The following TTYH2 variants were observed in gnomAD, a reference collection of about 807,000 sequenced individuals.
TTYH2 encodes the protein protein tweety homolog 2.
In TTYH2, 49 loss-of-function variants were observed where a neutral mutation model predicts 68.3. The ratio of observed to expected loss-of-function variants is 0.72; its 90% CI spans 0.57 to 0.91. TTYH2 has a LOEUF of 0.91. Ranked by LOEUF, TTYH2 falls within the 40% of genes least tolerant of loss-of-function variation. The probability of loss-of-function intolerance (pLI) is 0.00; values close to 1 mark genes in which losing one functional copy is unlikely to be tolerated. For missense variants in TTYH2, 631 were observed against 700.4 expected, an observed-to-expected ratio of 0.90 and a Z score of 1.12; for synonymous variants, 272 against 300.8, an observed-to-expected ratio of 0.90 and a Z score of 0.99.
chr17:74,220,193 CA>C (rs892091254), intron 1 of TTYH2, among the ~76,000 whole-genome samples: 9 of 152,292 alleles, frequency 5.9e-5, no homozygotes, highest in African/African-American at 1.9e-4. Context: ...AGAGAGGCCT[CA>C]GGGGCTGCCA....
chr17:74,227,037 C>T (rs2050337806), intron 2 of TTYH2, among the ~76,000 whole-genome samples: 1 of 152,216 alleles, frequency 6.6e-6, no homozygotes, highest in South Asian at 2.1e-4. Context: ...TGCAGTGGCA[C>T]GATCTCAGCT....
Position 74,231,029 on chromosome 17 carries a change from A to G in TTYH2, c.414+30A>G, listed in dbSNP as rs551304763. The stretch of plus-strand genomic sequence containing the variant: ...GGCTCCCGGGCAGCTGGCCGGGTAC[A>G]GGCACAGCCCACAAGGTCAGCGTGG... On this transcript the variant is annotated intron_variant, in intron 3 of 13. Transcript: ENST00000269346. 117 of 1,600,752 alleles carry G rather than the reference A, an allele frequency of 7.3e-5. 2 individuals carry two copies. In the South Asian group the frequency reaches 1.2e-3, roughly 17 times the overall value.
In TTYH2 at chr17:74,230,918, C is replaced by T. The variant is rs2050382035; in HGVS notation, c.333C>T (p.Asn111=). The T allele has an allele frequency of 1.2e-6, 2 of 1,614,034 alleles. No homozygotes were observed. Among genetic ancestry groups the T allele is most frequent in the South Asian group, 1.1e-5 (1 of 91,072 alleles). Residue 111 remains asparagine, a synonymous_variant, in exon 3 of 14, where the codon AAC becomes AAT. Coordinates refer to ENST00000269346, the MANE Select transcript of TTYH2 (RefSeq NM_032646.6). The part of the protein sequence containing the change: ...CAAVGVGFYG[N]SETNDGAYQL... ...CGGTGGGCGTTGGTTTCTATGGAAA[C>T]AGCGAGACCAACGATGGGGCGTACC...
chr17:74,236,718 G>T (rs759723313), intron 3 of TTYH2, among the ~76,000 whole-genome samples: 1 of 152,048 alleles, frequency 6.6e-6, no homozygotes, highest in Non-Finnish European at 1.5e-5. Flanking sequence ...TCTCTCTCTC[G>T]GAGCCCAGAT....
intron 4 of TTYH2, chr17:74,240,884 G>C (rs1271344547): frequency 6.6e-6 from 1 of 152,190 alleles, no homozygotes; most frequent in Admixed American, 6.5e-5. Flanking sequence ...ATGAGGCGTG[G>C]AGGCAGGGAA....
chr17:74,250,149 G>A lies in TTYH2; in HGVS notation c.1024-116G>A, dbSNP rs1005932836. ...GCTGGCTCTCTGTTCTCCCGCCCCC[G>A]TGACTCGGCTCCCTCCCTTGGCTCT... On this transcript the variant is annotated intron_variant, in intron 9 of 13. Transcript: ENST00000269346. 33 of 1,459,062 alleles carry A rather than the reference G, an allele frequency of 2.3e-5. No individual in the cohort carries two copies. In the East Asian group the frequency reaches 3.8e-4, roughly 17 times the overall value. The allele number at this position is 1,459,062 out of a possible 1,614,324, so 90.4% of individuals were successfully genotyped here. A position where few individuals can be genotyped will look rare whatever the true frequency, so the allele number is the denominator to read the frequency against.
chr17:74,251,292 GGT>G (rs1295517553), intron 10 of TTYH2, among the ~76,000 whole-genome samples: 1 of 149,396 alleles, frequency 6.7e-6, no homozygotes, highest in Non-Finnish European at 1.5e-5. Flanking sequence ...TGATGTGTGT[GGT>G]GTGTGTGCAT....
chr17:74,261,429 A>G lies in TTYH2; in HGVS notation c.*1220A>G, dbSNP rs2050749633. The G allele has an allele frequency of 6.6e-6, 1 of 152,426 alleles. No homozygotes were observed. 9.4% of individuals were successfully genotyped at this position (152,426 alleles called of 1,614,324 possible). The stretch of plus-strand genomic sequence containing the variant: ...AGCAAAGTGCTACAACTGTGTCTTT[A>G]TAGGAGGATAGGCCTCTGCCCTGCC... On this transcript the variant is annotated 3_prime_UTR_variant, in exon 14 of 14. Transcript: ENST00000269346.
In TTYH2 at chr17:74,261,436, G is replaced by A. The variant is rs2050749781; in HGVS notation, c.*1227G>A. The A allele has an allele frequency of 6.6e-6, 1 of 152,454 alleles. No individual in the cohort carries two copies. Among genetic ancestry groups the A allele is most frequent in the Non-Finnish European group, 1.5e-5 (1 of 68,110 alleles). 9.4% of individuals were successfully genotyped at this position (152,454 alleles called of 1,614,324 possible). ...TGCTACAACTGTGTCTTTATAGGAG[G>A]ATAGGCCTCTGCCCTGCCCCACCCC... On this transcript the variant is annotated 3_prime_UTR_variant, in exon 14 of 14. Transcript: ENST00000269346.
intron 4 of TTYH2, among the ~76,000 whole-genome samples, chr17:74,238,117 G>A (rs961458045): frequency 2.0e-5 from 3 of 152,222 alleles, no homozygotes; most frequent in African/African-American, 7.2e-5. Context: ...GCACACGGTG[G>A]GGTGCTTCTC....
At position 74,260,219 on chromosome 17, in the gene TTYH2, G is replaced by C. The variant is rs181120556; in HGVS notation, c.*10G>C. Reference sequence around the variant, plus strand: ...TCAGTTTCCAGCCTAACAGACTTTCGGGGGTTCCTGCCTCCTTTTTCCGTT... The same window carrying C: ...TCAGTTTCCAGCCTAACAGACTTTCCGGGGTTCCTGCCTCCTTTTTCCGTT... On this transcript the variant is annotated 3_prime_UTR_variant, in exon 14 of 14. Coordinates refer to ENST00000269346, the MANE Select transcript of TTYH2 (RefSeq NM_032646.6). The C allele has an allele frequency of 6.8e-6, 11 of 1,613,502 alleles. No individual in the cohort carries two copies. The highest frequency in any genetic ancestry group is 1.7e-4 in the Middle Eastern group (1 of 6,056).
intron 13 of TTYH2, among the ~76,000 whole-genome samples, chr17:74,257,333 G>T (rs2050703065): frequency 6.6e-6 from 1 of 152,140 alleles, no homozygotes; most frequent in African/African-American, 2.4e-5. Context: ...AGCCCAGCCT[G>T]CCCTGGGAAG....
rs773175819 is a variant in TTYH2 at position 74,253,180 on chromosome 17, C to T, written c.1359C>T (p.Phe453=). ...CCCCGAGGGGACAGCTTCACAGCTT[C>T]TGCAGCTACAGCAGTGGCCTGGGAA... ...HSPPRGQLHS[F]CSYSSGLGSQ... is the part of the protein sequence containing the mutation. The change falls in exon 12 of 14, where the codon TTC becomes TTT. Residue 453 remains phenylalanine, a synonymous_variant. Transcript: ENST00000269346. 4.3e-6 allele frequency: 7 copies of T among 1,614,066 alleles called. No homozygotes were observed. Among genetic ancestry groups the T allele is most frequent in the Middle Eastern group, 1.7e-4 (1 of 6,058 alleles).
intron 13 of TTYH2, among the ~76,000 whole-genome samples, chr17:74,259,778 T>A (rs112561741): frequency 2.6e-5 from 4 of 152,152 alleles, no homozygotes; most frequent in Admixed American, 6.5e-5. Context: ...GATGCACAGC[T>A]GGGATTTGAA....
Position 74,215,861 on chromosome 17 carries a change from C to T in TTYH2, c.129+2145C>T, listed in dbSNP as rs1177337964. The T allele has an allele frequency of 1.8e-5, 14 of 777,670 alleles. No individual in the cohort carries two copies. Among genetic ancestry groups the T allele is most frequent in the African/African-American group, 5.2e-5 (3 of 57,250 alleles). 48.2% of individuals were successfully genotyped at this position (777,670 alleles called of 1,614,324 possible). On this transcript the variant is annotated intron_variant, in intron 1 of 13. Coordinates refer to ENST00000269346, the MANE Select transcript of TTYH2 (RefSeq NM_032646.6). The surrounding 1 kb of genome is among the most constrained non-coding windows in gnomAD (Gnocchi z 4.3). The stretch of plus-strand genomic sequence containing the variant: ...AGTGCTATGCCAGGCGTGGGGTGAC[C>T]GTGGTAACCAAGGCAGCAGGTCTTC...
At chr17:74,253,507 T>A (rs9907695) in intron 12 of TTYH2, among the ~76,000 whole-genome samples, 1 of 151,996 alleles carries the variant, frequency 6.6e-6, no homozygotes, top group Admixed American at 6.6e-5. Flanking sequence ...GGGACAGGTC[T>A]CAGGCCCAAA....
Position 74,253,540 on chromosome 17 carries a change from G to T in TTYH2, c.1446-215G>T, listed in dbSNP as rs563311971. 7.9e-5 allele frequency among the ~76,000 whole-genome samples: 12 copies of T among 152,310 alleles called. No homozygotes were observed. In the East Asian group the frequency reaches 1.7e-3, roughly 22 times the overall value. ...AAAAAGCTGCATTTCTCCAGGCCAT[G>T]CTGCTCCCAGCCTCCGTTGCCCATC... On this transcript the variant is annotated intron_variant, in intron 12 of 13. Transcript: ENST00000269346.
At chr17:74,227,770 T>C (rs1187744662) in intron 2 of TTYH2, among the ~76,000 whole-genome samples, 1 of 151,696 alleles carries the variant, frequency 6.6e-6, no homozygotes, top group Non-Finnish European at 1.5e-5. Flanking sequence ...TGTTTTTTTT[T>C]TAATGTCTCC....
intron 11 of TTYH2, 120 bp downstream of exon 11, chr17:74,252,496 C>T: frequency 8.0e-7 from 1 of 1,249,602 alleles, no homozygotes; most frequent in Non-Finnish European, 1.1e-6. Flanking sequence ...CAGCAGAGGG[C>T]CCGGGCATTC....
Sources: allele counts gnomAD v4.1 joint callset (sites outside exome capture counted in the v4.1 genomes callset), GRCh38; gene constraint gnomAD v4.1.1; non-coding constraint Gnocchi (gnomAD v3.1); transcripts MANE v1.5; gene names NCBI Gene and HGNC (gene_info 2026-07-23, HGNC 2026-07-21).